The following CLINT1 variants were observed in gnomAD, a reference collection of about 807,000 sequenced individuals.
The protein encoded by CLINT1 is clathrin interactor 1, also known as clathrin interacting protein localized in the trans-Golgi region.
In CLINT1, 15 loss-of-function variants were observed where a neutral mutation model predicts 70.4. That is an observed-to-expected ratio of 0.21 (90% CI 0.14 to 0.33). The LOEUF (loss-of-function observed/expected upper bound fraction) is 0.33, where lower values mean the gene tolerates loss of function less well. Among genes scored for constraint, CLINT1 ranks in the 10% least tolerant of loss-of-function variants. CLINT1 has a pLI of 1.00. For synonymous variants in CLINT1, 227 were observed against 254.7 expected, an observed-to-expected ratio of 0.89 and a Z score of 1.04; for missense variants, 615 against 778.1, an observed-to-expected ratio of 0.79 and a Z score of 2.49.
intron 1 of CLINT1, among the ~76,000 whole-genome samples, chr5:157,851,423 T>G (rs1486282704): frequency 6.6e-6 from 1 of 152,154 alleles, no homozygotes; most frequent in Admixed American, 6.5e-5. Flanking sequence ...GCACAGTGGC[T>G]CACACCTGCA....
intron 7 of CLINT1, among the ~76,000 whole-genome samples, chr5:157,804,465 T>TAAGATCCC (rs1271525215): frequency 6.6e-6 from 1 of 152,192 alleles, no homozygotes; most frequent in Non-Finnish European, 1.5e-5. Context: ...GGGGAAACCC[T>TAAGATCCC]AAGATCCTAG....
At chr5:157,811,719 C>A (rs1301389801) in intron 5 of CLINT1, among the ~76,000 whole-genome samples, 1 of 152,074 alleles carries the variant, frequency 6.6e-6, no homozygotes, top group Non-Finnish European at 1.5e-5. Flanking sequence ...AAAACGTATT[C>A]AATTTTCTAA....
intron 8 of CLINT1, among the ~76,000 whole-genome samples, chr5:157,802,615 C>T (rs777847591): frequency 1.9e-4 from 28 of 150,912 alleles, no homozygotes; most frequent in African/African-American, 2.7e-4. Context: ...GCGCAATCTC[C>T]GTTCACTGCA....
At chr5:157,842,188 T>C (rs1007492649) in intron 1 of CLINT1, among the ~76,000 whole-genome samples, 5 of 152,188 alleles carry the variant, frequency 3.3e-5, no homozygotes, top group Non-Finnish European at 5.9e-5. Context: ...AAAGGAACAA[T>C]CACTATTGTG....
chr5:157,817,091 T>C (rs192765193), intron 2 of CLINT1, among the ~76,000 whole-genome samples: 2 of 152,272 alleles, frequency 1.3e-5, no homozygotes, highest in East Asian at 3.9e-4. Flanking sequence ...TGCAAGCTCT[T>C]CATTCACTGG....
At chr5:157,818,434 A>T (rs1204940868) in intron 1 of CLINT1, among the ~76,000 whole-genome samples, 1 of 148,546 alleles carries the variant, frequency 6.7e-6, no homozygotes, top group Non-Finnish European at 1.5e-5. Context: ...AATAACCAAC[A>T]CCAGCCTGGG....
intron 1 of CLINT1, among the ~76,000 whole-genome samples, chr5:157,853,298 A>G (rs1235344569): frequency 2.0e-5 from 3 of 151,726 alleles, no homozygotes; most frequent in African/African-American, 7.3e-5. Context: ...AGTTGAGATC[A>G]CACCATGGCA....
intron 1 of CLINT1, among the ~76,000 whole-genome samples, chr5:157,843,496 TTAATTC>T (rs1374273646): frequency 6.6e-6 from 1 of 152,216 alleles, no homozygotes; most frequent in Non-Finnish European, 1.5e-5. Context: ...ATTAGCTTAT[TTAATTC>T]TCTTAACAGA....
intron 8 of CLINT1, among the ~76,000 whole-genome samples, chr5:157,802,653 C>A (rs542495727): frequency 6.6e-5 from 10 of 151,678 alleles, no homozygotes; most frequent in African/African-American, 1.9e-4. Flanking sequence ...TCAAGTGATT[C>A]TCCTGCCTCA....
At chr5:157,852,397 AAG>A (rs369196213) in intron 1 of CLINT1, among the ~76,000 whole-genome samples, 1 of 152,232 alleles carries the variant, frequency 6.6e-6, no homozygotes, top group Non-Finnish European at 1.5e-5. Context: ...ACTGAGTCTT[AAG>A]AGAGAGTACT....
At chr5:157,830,796 C>CTCTCTCTA (rs1300619885) in intron 1 of CLINT1, among the ~76,000 whole-genome samples, 64 of 85,696 alleles carry the variant, frequency 7.5e-4, no homozygotes, top group East Asian at 4.9e-3. Flanking sequence ...CTCTCTCTCT[C>CTCTCTCTA]TATATATATA....
At chr5:157,810,450 A>T (rs3777059) in intron 5 of CLINT1, among the ~76,000 whole-genome samples, 20,384 of 152,276 alleles carry the variant, frequency 0.13, 1,796 homozygotes, top group African/African-American at 0.25. Flanking sequence ...AAGTATGCTC[A>T]AACAGTAGTT....
chr5:157,792,139 C>A (rs988818484), intron 9 of CLINT1, 144 bp from the exon 10 acceptor site: 2 of 678,656 alleles, frequency 2.9e-6, no homozygotes, highest in Non-Finnish European at 4.9e-6. Flanking sequence ...GGACAGTATT[C>A]TTTCTCATAA....
chr5:157,826,557 T>A (rs983781158), intron 1 of CLINT1, among the ~76,000 whole-genome samples: 3 of 151,664 alleles, frequency 2.0e-5, no homozygotes, highest in Non-Finnish European at 4.4e-5. Flanking sequence ...TACCACAGCC[T>A]CAAAGCTGGA....
rs995498644 is a variant in CLINT1 at position 157,791,747 on chromosome 5, T to G, written c.1336A>C (p.Ser446Arg). The G allele has an allele frequency of 3.7e-6, 6 of 1,613,882 alleles. No individual in the cohort carries two copies. The African/African-American group carries it at 8.0e-5, about 22-fold the overall frequency. The part of the protein sequence containing the change: ...SSQSMNFSMM[S>R]TNTVGLGLPM... ...AAACCAAGTCCCACAGTGTTAGTGC[T>G]CATCATAGAGAAATTCATACTCTGG... is the stretch of plus-strand genomic sequence containing the variant. The change falls in exon 10 of 12, where the codon AGC becomes CGC. Residue 446 changes from serine (S) to arginine (R), a missense_variant. Physicochemically the swap from Ser to Arg is moderately radical, Grantham distance 110 (BLOSUM62 -1). Around this residue, in one of 2 missense-constraint regions of CLINT1, gnomAD observed 374 missense variants for 409.6 expected, o/e 0.91. Transcript: ENST00000411809.
intron 6 of CLINT1, among the ~76,000 whole-genome samples, 154 bp from the exon 7 acceptor site, chr5:157,806,266 T>A (rs1762380650): frequency 6.6e-6 from 1 of 152,184 alleles, no homozygotes; most frequent in South Asian, 2.1e-4. Flanking sequence ...ATCTAAGCTG[T>A]CTGAATAATG....
chr5:157,792,463 G>T (rs775476737), intron 9 of CLINT1, among the ~76,000 whole-genome samples: 3 of 152,276 alleles, frequency 2.0e-5, no homozygotes, highest in South Asian at 2.1e-4. Flanking sequence ...CACAAGAATC[G>T]CTTGAACCCG....
chr5:157,831,506 A>G (rs11953496), intron 1 of CLINT1, among the ~76,000 whole-genome samples: 2,383 of 151,894 alleles, frequency 0.016, 65 homozygotes, highest in African/African-American at 0.054. Context: ...AACACATAGC[A>G]GGACAAAGAA....
intron 1 of CLINT1, among the ~76,000 whole-genome samples, chr5:157,831,820 T>C (rs1381030855): frequency 2.7e-5 from 4 of 150,936 alleles, no homozygotes; most frequent in Non-Finnish European, 5.9e-5. Context: ...CTCTCCTGAG[T>C]AGCTGGGACT....
Sources: allele counts gnomAD v4.1 joint callset (sites outside exome capture counted in the v4.1 genomes callset), GRCh38; gene constraint gnomAD v4.1.1; regional missense constraint gnomAD v4.1.1; transcripts MANE v1.5; gene names NCBI Gene and HGNC (gene_info 2026-07-23, HGNC 2026-07-21).